The following DNTTIP1 variants were observed in gnomAD, a reference collection of about 807,000 sequenced individuals.
DNTTIP1 encodes the protein deoxynucleotidyltransferase terminal interacting protein 1, also known as deoxynucleotidyltransferase terminal-interacting protein 1.
DNTTIP1 carries 22 observed loss-of-function variants against 52.9 expected under a neutral mutation model. That is an observed-to-expected ratio of 0.42 (90% CI 0.30 to 0.59). The LOEUF (loss-of-function observed/expected upper bound fraction) is 0.59, where lower values mean the gene tolerates loss of function less well. DNTTIP1 is among the 20% of genes least tolerant of loss of function. The pLI is 0.22. For synonymous variants in DNTTIP1, 136 were observed against 155.1 expected (o/e 0.88, Z 0.92); for missense variants, 286 against 435.5 (o/e 0.66, Z 3.06).
In DNTTIP1 at chr20:45,809,220, C is replaced by G; in HGVS notation, c.795+35C>G. 1 of 1,596,838 alleles carries G rather than the reference C, an allele frequency of 6.3e-7. No homozygotes were observed. The highest frequency in any genetic ancestry group is 8.6e-7 in the Non-Finnish European group (1 of 1,165,254). ...ATTCATTTGTGCCACTGCCAGTGACCCACCCCACCTGGGAACCAGGATTTT... is the reference window on the plus strand; with the variant it reads ...ATTCATTTGTGCCACTGCCAGTGACGCACCCCACCTGGGAACCAGGATTTT... On this transcript the variant is annotated intron_variant, in intron 11 of 12. Coordinates refer to ENST00000372622, the MANE Select transcript of DNTTIP1 (RefSeq NM_052951.3). This position sits in a 1 kb window ranked among gnomAD's most constrained non-coding sequence, Gnocchi z 4.2.
rs1166631626 is a variant in DNTTIP1, at chr20:45,800,690, AAAAAATATATATATATATATATAT to A, written c.373-382_373-359del. On this transcript the variant is annotated intron_variant, in intron 4 of 12. Transcript: ENST00000372622. Reference sequence around the variant, plus strand: ...ACTCCATCTCAATTTAAAAAAAAAAAAAAAATATATATATATATATATATATATATATATATATATATATATATA... The same window carrying A: ...ACTCCATCTCAATTTAAAAAAAAAAAATATATATATATATATATATATATA... Among the ~76,000 whole-genome samples, 41 of 52,348 alleles carry A rather than the reference AAAAAATATATATATATATATATAT, an allele frequency of 7.8e-4. 1 individual carries two copies. Among genetic ancestry groups the A allele is most frequent in the African/African-American group, 3.5e-3 (38 of 10,906 alleles). 34.3% of individuals were successfully genotyped at this position (52,348 alleles called of 152,430 possible). A position where few individuals can be genotyped will look rare whatever the true frequency, so the allele number is the denominator to read the frequency against.
chr20:45,793,646 G>A (rs1339028220), intron 2 of DNTTIP1, among the ~76,000 whole-genome samples: 1 of 152,076 alleles, frequency 6.6e-6, no homozygotes, highest in Non-Finnish European at 1.5e-5. Context: ...GTTGCAGTGA[G>A]CCAAAACCAC....
At chr20:45,802,121 GAA>G (rs996556831) in intron 7 of DNTTIP1, 64 bp downstream of exon 7, 261 of 1,547,558 alleles carry the variant, frequency 1.7e-4, no homozygotes, top group Non-Finnish European at 2.2e-4. Context: ...GGCCCTGAAG[GAA>G]AAGAGTCCAG....
chr20:45,805,773 A>G (rs1031176072), intron 10 of DNTTIP1, among the ~76,000 whole-genome samples: 3 of 152,152 alleles, frequency 2.0e-5, no homozygotes, highest in Non-Finnish European at 2.9e-5. Context: ...AACCACTACC[A>G]TATTTGGTTG....
chr20:45,810,567 C>CTTTTTTTTT (rs1464520994), intron 11 of DNTTIP1, among the ~76,000 whole-genome samples: 1 of 100,490 alleles, frequency 1.0e-5, no homozygotes. Context: ...CTTTTTTTTT[C>CTTTTTTTTT]TTTTTTTCTT....
chr20:45,808,378 C>A (rs919813431), intron 10 of DNTTIP1, among the ~76,000 whole-genome samples: 5 of 151,980 alleles, frequency 3.3e-5, no homozygotes, highest in Non-Finnish European at 7.4e-5. Context: ...CGGTGGCTCA[C>A]ACCTGTAATC....
chr20:45,803,078 T>C (rs1201351896), intron 7 of DNTTIP1: 2 of 465,754 alleles, frequency 4.3e-6, no homozygotes. Context: ...TTGTCTCTTT[T>C]GACAGATGAG....
chr20:45,801,602 A>G (rs1981474679), intron 6 of DNTTIP1, 144 bp downstream of exon 6: 2 of 798,644 alleles, frequency 2.5e-6, no homozygotes, highest in Non-Finnish European at 4.0e-6. Flanking sequence ...CAGTCTGGGT[A>G]ACATAGTGAG....
intron 10 of DNTTIP1, among the ~76,000 whole-genome samples, chr20:45,806,845 T>A (rs1388055562): frequency 6.6e-6 from 1 of 152,232 alleles, no homozygotes; most frequent in Non-Finnish European, 1.5e-5. Context: ...CACCCTTATC[T>A]GCCTGACTAT....
intron 5 of DNTTIP1, 68 bp from the exon 6 acceptor site, chr20:45,801,334 T>C (rs1254862468): frequency 8.9e-6 from 14 of 1,575,986 alleles, no homozygotes; most frequent in Non-Finnish European, 1.2e-5. Context: ...GGCTGTCTTC[T>C]GCAACTCCAG....
In DNTTIP1 at chr20:45,809,150, G is replaced by A; in HGVS notation, c.760G>A (p.Glu254Lys). 6.2e-7 allele frequency: 1 copy of A among 1,614,152 alleles called. No homozygotes were observed. The highest frequency in any genetic ancestry group is 8.5e-7 in the Non-Finnish European group (1 of 1,180,032). Residue 254 changes from glutamate (E) to lysine (K), a missense_variant, in exon 11 of 13, where the codon GAG becomes AAG. By Grantham distance (56) the Glu-to-Lys change is moderately conservative (BLOSUM62 1). Transcript: ENST00000372622. The surrounding 1 kb of genome is among the most constrained non-coding windows in gnomAD (Gnocchi z 4.2). ...CCCCCAGGATAAGCACTGGCTGGCT[G>A]AGCAGCATCACATGCGGGCAACAGG... Reference protein sequence around the residue: ...ADPQDKHWLAEQHHMRATGGK... With the variant: ...ADPQDKHWLAKQHHMRATGGK...
chr20:45,802,458 G>A (rs1215878569), intron 7 of DNTTIP1, among the ~76,000 whole-genome samples: 3 of 152,036 alleles, frequency 2.0e-5, no homozygotes, highest in Admixed American at 1.3e-4. Flanking sequence ...CCTCCAAGAC[G>A]GTCATTTTCA....
At position 45,805,118 on chromosome 20, in the gene DNTTIP1, C is replaced by T. The variant is rs368814672; in HGVS notation, c.604-28C>T. On this transcript the variant is annotated intron_variant, in intron 8 of 12. Coordinates refer to ENST00000372622, the MANE Select transcript of DNTTIP1 (RefSeq NM_052951.3). ...CCTACCCATCAGATTAAACTTCACCCTCACGAGCTTCTCTATTTTTTGCAC... is the reference window on the plus strand; with the variant it reads ...CCTACCCATCAGATTAAACTTCACCTTCACGAGCTTCTCTATTTTTTGCAC... The T allele has an allele frequency of 1.2e-5, 20 of 1,608,298 alleles. No homozygotes were observed. The African/African-American group carries it at 1.6e-4, about 13-fold the overall frequency.
chr20:45,800,740 T>C (rs1389798217), intron 4 of DNTTIP1, among the ~76,000 whole-genome samples: 1 of 88,608 alleles, frequency 1.1e-5, no homozygotes, highest in Non-Finnish European at 2.1e-5. Context: ...TATATATATA[T>C]ATATATATAT....
rs1981426269 is a variant in DNTTIP1 at position 45,800,697 on chromosome 20, ATATATATAT to A, written c.373-376_373-368del. Among the ~76,000 whole-genome samples, 38 of 5,844 alleles carry A rather than the reference ATATATATAT, an allele frequency of 6.5e-3. 2 individuals carry two copies. The highest frequency in any genetic ancestry group is 9.3e-3 in the South Asian group (1 of 108). 3.8% of individuals were successfully genotyped at this position (5,844 alleles called of 152,430 possible). A position where few individuals can be genotyped will look rare whatever the true frequency, so the allele number is the denominator to read the frequency against. ...CTCAATTTAAAAAAAAAAAAAAAAT[ATATATATAT>A]ATATATATATATATATATATATATA... On this transcript the variant is annotated intron_variant, in intron 4 of 12. Transcript: ENST00000372622.
intron 11 of DNTTIP1, among the ~76,000 whole-genome samples, chr20:45,810,125 T>C (rs566457040): frequency 6.6e-6 from 1 of 152,302 alleles, no homozygotes; most frequent in African/African-American, 2.4e-5. Flanking sequence ...GGACACCTGA[T>C]CTGTTATGGT....
intron 3 of DNTTIP1, 40 bp from the exon 4 acceptor site, chr20:45,795,305 T>C (rs1338309254): frequency 1.8e-5 from 23 of 1,257,298 alleles, no homozygotes; most frequent in Non-Finnish European, 2.4e-5. Flanking sequence ...TGATGCACAT[T>C]AACAGGACTC....
In DNTTIP1 at chr20:45,803,382, T is replaced by G. The variant is rs138544512; in HGVS notation, c.603+4T>G. 1.3e-4 allele frequency: 207 copies of G among 1,614,130 alleles called. No homozygotes were observed. The East Asian group carries it at 4.0e-3, about 31-fold the overall frequency. Reference sequence around the variant, plus strand: ...AATTCGCCGGGAAGGCCCCAAGGTATGATTATGTGAGCATGGCAGAGATCA... The same window carrying G: ...AATTCGCCGGGAAGGCCCCAAGGTAGGATTATGTGAGCATGGCAGAGATCA... On this transcript the variant is annotated splice_donor_region_variant and intron_variant, in intron 8 of 12. Transcript: ENST00000372622.
chr20:45,805,484 G>T (rs1981604727), intron 10 of DNTTIP1, 118 bp downstream of exon 10: 1 of 1,117,702 alleles, frequency 8.9e-7, no homozygotes, highest in Non-Finnish European at 1.3e-6. Context: ...CTGGGTTCTA[G>T]TTGTGCCTCT....
Sources: gnomAD v4.1 joint callset for allele counts (sites outside exome capture counted in the v4.1 genomes callset) on GRCh38, gnomAD v4.1.1 for gene constraint, Gnocchi (gnomAD v3.1) non-coding constraint, MANE v1.5 for transcripts, NCBI Gene and HGNC (gene_info 2026-07-23, HGNC 2026-07-21) for gene names.